Variants in FXYD5 observed in about 807,000 individuals in gnomAD.
The protein encoded by FXYD5 is FXYD domain containing ion transport regulator 5, also known as FXYD domain-containing ion transport regulator 5.
FXYD5 carries 21 observed loss-of-function variants against 25.7 expected under a neutral mutation model. The ratio of observed to expected loss-of-function variants is 0.82; its 90% CI spans 0.58 to 1.18. The LOEUF is 1.18. Ranked by LOEUF, FXYD5 falls within the 50% of genes most tolerant of loss-of-function variation. The pLI is 0.00. For synonymous variants in FXYD5, 101 were observed against 90.7 expected (o/e 1.11, Z -0.64); for missense variants, 229 against 227.7 (o/e 1.01, Z -0.04).
rs755659670 is a variant in FXYD5 at position 35,169,646 on chromosome 19, T to C, written c.*31T>C. The C allele has an allele frequency of 3.4e-6, 5 of 1,488,796 alleles. No homozygotes were observed. The highest frequency in any genetic ancestry group is 4.7e-6 in the Non-Finnish European group (5 of 1,065,508). The allele number at this position is 1,488,796 out of a possible 1,614,324, so 92.2% of individuals were successfully genotyped here. Reference sequence around the variant, plus strand: ...TCAGAAACAGGAGCTGACAACCTGCTGGGCACCCGAAGACCAAGCCCCCTG... The same window carrying C: ...TCAGAAACAGGAGCTGACAACCTGCCGGGCACCCGAAGACCAAGCCCCCTG... On this transcript the variant is annotated 3_prime_UTR_variant, in exon 9 of 9. Coordinates refer to ENST00000392219, the MANE Select transcript of FXYD5 (RefSeq NM_014164.6).
intron 4 of FXYD5, chr19:35,159,618 C>G: frequency 6.5e-7 from 1 of 1,550,312 alleles, no homozygotes; most frequent in Non-Finnish European, 8.7e-7. Context: ...GCAACTTTGT[C>G]CCTTCCTCCT....
At chr19:35,164,109 C>A in intron 5 of FXYD5, 47 bp from the exon 6 acceptor site, 1 of 1,613,764 alleles carries the variant, frequency 6.2e-7, no homozygotes, top group Middle Eastern at 1.7e-4. Context: ...CTTGTTTCTG[C>A]CTCCATGGCT....
intron 5 of FXYD5, among the ~76,000 whole-genome samples, chr19:35,163,164 C>T (rs77118225): frequency 0.037 from 5,614 of 152,340 alleles, 138 homozygotes; most frequent in East Asian, 0.069. Flanking sequence ...GGCTGTCCTT[C>T]GCATTCCTGT....
Position 35,158,415 on chromosome 19 carries a change from G to A in FXYD5, c.199+15G>A, listed in dbSNP as rs756573130. On this transcript the variant is annotated intron_variant, in intron 4 of 8. Transcript: ENST00000392219. ...GCCTGCTGATGGTGAGTAGTGCAGG[G>A]GCAGGCGGCGGGGACAGGACCAAGA... The A allele has an allele frequency of 1.3e-6, 2 of 1,512,752 alleles. No individual in the cohort carries two copies. The highest frequency in any genetic ancestry group is 1.1e-5 in the South Asian group (1 of 88,586). 93.7% of individuals were successfully genotyped at this position (1,512,752 alleles called of 1,614,324 possible). A position where few individuals can be genotyped will look rare whatever the true frequency, so the allele number is the denominator to read the frequency against.
intron 4 of FXYD5, among the ~76,000 whole-genome samples, chr19:35,159,020 C>T (rs113742653): frequency 2.7e-4 from 41 of 151,488 alleles, no homozygotes; most frequent in African/African-American, 7.3e-4. Context: ...CCCAGCTACT[C>T]GAAAGGCTGA....
At chr19:35,168,221 G>C (rs967463751) in intron 8 of FXYD5, among the ~76,000 whole-genome samples, 1 of 152,196 alleles carries the variant, frequency 6.6e-6, no homozygotes, top group Non-Finnish European at 1.5e-5. Flanking sequence ...GTGATGCTGG[G>C]GGCATGGTGG....
At chr19:35,159,664 G>T in intron 4 of FXYD5, 1 of 1,539,488 alleles carries the variant, frequency 6.5e-7, no homozygotes, top group Non-Finnish European at 8.8e-7. Flanking sequence ...CTGACTATGT[G>T]CTGGTCATGG....
intron 8 of FXYD5, among the ~76,000 whole-genome samples, chr19:35,169,103 G>T (rs1219859834): frequency 6.7e-6 from 1 of 149,268 alleles, no homozygotes; most frequent in Admixed American, 6.7e-5. Flanking sequence ...TGAAGCCCCA[G>T]TAGCCATCCC....
intron 6 of FXYD5, among the ~76,000 whole-genome samples, chr19:35,165,132 C>A (rs1378484812): frequency 6.6e-6 from 1 of 152,136 alleles, no homozygotes; most frequent in Non-Finnish European, 1.5e-5. Context: ...GATCCAGACC[C>A]CAAGAAAGGG....
chr19:35,160,586 T>C, intron 4 of FXYD5, 123 bp from the exon 5 acceptor site: 1 of 688,228 alleles, frequency 1.5e-6, no homozygotes, highest in Non-Finnish European at 2.7e-6. Context: ...CCTAAGGTAA[T>C]CTGCCCGCCT....
intron 5 of FXYD5, chr19:35,163,941 A>G: frequency 7.0e-7 from 1 of 1,424,458 alleles, no homozygotes; most frequent in Non-Finnish European, 9.3e-7. Context: ...GGCAGATCAG[A>G]TAGTCGCAAC....
intron 5 of FXYD5, among the ~76,000 whole-genome samples, chr19:35,163,117 T>C (rs2065419957): frequency 6.6e-6 from 1 of 152,242 alleles, no homozygotes; most frequent in Non-Finnish European, 1.5e-5. Flanking sequence ...GTCCAGACTG[T>C]CTCACCCCAG....
intron 1 of FXYD5, 174 bp from the exon 2 acceptor site, chr19:35,155,377 C>G: frequency 1.6e-6 from 1 of 607,168 alleles, no homozygotes; most frequent in South Asian, 1.9e-5. Flanking sequence ...GGTTTGGTAT[C>G]CCCACCTAAG....
Position 35,166,124 on chromosome 19 carries a change from C to A in FXYD5, c.383-18C>A. ...AACCTTTGCTGAACCCTGACTTGCT[C>A]TTTGTCTGCCTCTCCAGGTTTTCAT... On this transcript the variant is annotated intron_variant, in intron 6 of 8. Transcript: ENST00000392219. The A allele has an allele frequency of 6.2e-7, 1 of 1,613,394 alleles. No individual in the cohort carries two copies. The highest frequency in any genetic ancestry group is 1.1e-5 in the South Asian group (1 of 91,040).
At chr19:35,168,236 A>G (rs1482901496) in intron 8 of FXYD5, among the ~76,000 whole-genome samples, 2 of 152,192 alleles carry the variant, frequency 1.3e-5, no homozygotes, top group South Asian at 2.1e-4. Flanking sequence ...TGGTGGTGAC[A>G]AGCAGCCCTG....
chr19:35,157,282 A>G, intron 2 of FXYD5, 139 bp from the exon 3 acceptor site: 1 of 565,922 alleles, frequency 1.8e-6, no homozygotes, highest in East Asian at 3.2e-5. Flanking sequence ...CACTTTCAGA[A>G]TTATGGATTG....
intron 4 of FXYD5, chr19:35,159,788 T>C (rs2065388779): frequency 3.0e-6 from 3 of 997,292 alleles, no homozygotes; most frequent in Non-Finnish European, 4.2e-6. Flanking sequence ...GAGTAACTGG[T>C]TCAAGGTCTC....
chr19:35,158,266 G>A, intron 3 of FXYD5, 78 bp from the exon 4 acceptor site: 2 of 875,696 alleles, frequency 2.3e-6, no homozygotes. Flanking sequence ...GGAATCTCTG[G>A]CATCTCCACC....
rs754185230 is a variant in FXYD5 at position 35,159,608 on chromosome 19, G to A, written c.200-1101G>A. ...CTGTCTACACACAGCACCACAATGAGCAACTTTGTCCCTTCCTCCTTGAGC... is the reference window on the plus strand; with the variant it reads ...CTGTCTACACACAGCACCACAATGAACAACTTTGTCCCTTCCTCCTTGAGC... On this transcript the variant is annotated intron_variant, in intron 4 of 8. Transcript: ENST00000392219. The A allele has an allele frequency of 1.5e-5, 23 of 1,550,476 alleles. 1 individual carries two copies. Among genetic ancestry groups the A allele is most frequent in the South Asian group, 1.1e-4 (9 of 84,020 alleles).
Sources: allele counts gnomAD v4.1 joint callset (sites outside exome capture counted in the v4.1 genomes callset), GRCh38; gene constraint gnomAD v4.1.1; transcripts MANE v1.5; gene names NCBI Gene and HGNC (gene_info 2026-07-23, HGNC 2026-07-21).